The following PLPP1 variants were observed in gnomAD, a reference collection of about 807,000 sequenced individuals.
The protein encoded by PLPP1 is lipid phosphate phosphohydrolase 1a.
Under a neutral mutation model 31.2 loss-of-function variants are expected in PLPP1, and 24 were observed. The ratio of observed to expected loss-of-function variants is 0.77; its 90% CI spans 0.56 to 1.08. The LOEUF is 1.08. Ranked by LOEUF, PLPP1 falls within the 50% of genes least tolerant of loss-of-function variation. PLPP1 has a pLI of 0.00. For synonymous variants in PLPP1, 146 were observed against 126.3 expected (o/e 1.16, Z -1.05); for missense variants, 319 against 342.7 (o/e 0.93, Z 0.55).
intron 2 of PLPP1, among the ~76,000 whole-genome samples, chr5:55,470,077 G>A (rs1187336150): frequency 6.6e-6 from 1 of 152,186 alleles, no homozygotes; most frequent in African/African-American, 2.4e-5. Context: ...TCACAGGAGA[G>A]GTAAACTATA....
At position 55,475,264 on chromosome 5, in the gene PLPP1, A is replaced by G. The variant is rs754199942; in HGVS notation, c.210+35T>C. On this transcript the variant is annotated intron_variant, in intron 2 of 5. Coordinates refer to ENST00000307259, the MANE Select transcript of PLPP1 (RefSeq NM_003711.4). ...AACAGAAAATTAAGCCAAGTGCCCA[A>G]AAGTTATAAACTTGGAAAAGTGGAT... The G allele has an allele frequency of 3.8e-6, 6 of 1,568,328 alleles. No homozygotes were observed. The African/African-American group carries it at 5.5e-5, about 14-fold the overall frequency.
At chr5:55,448,866 C>T (rs1481907256) in intron 3 of PLPP1, among the ~76,000 whole-genome samples, 1 of 152,178 alleles carries the variant, frequency 6.6e-6, no homozygotes, top group Non-Finnish European at 1.5e-5. Flanking sequence ...TAAAATGACA[C>T]AGTATTTGCA....
chr5:55,491,224 G>C, intron 1 of PLPP1: 2 of 1,161,624 alleles, frequency 1.7e-6, no homozygotes, highest in Admixed American at 2.6e-5. Context: ...GCCCTCTCTG[G>C]AGATGGATCT....
At chr5:55,486,382 C>A (rs1419613859) in intron 1 of PLPP1, among the ~76,000 whole-genome samples, 2 of 151,616 alleles carry the variant, frequency 1.3e-5, no homozygotes, top group Non-Finnish European at 2.9e-5. Flanking sequence ...GTCAGGAGTT[C>A]AAGACCAGCC....
intron 3 of PLPP1, among the ~76,000 whole-genome samples, chr5:55,447,896 G>A (rs534511290): frequency 6.6e-6 from 1 of 151,962 alleles, no homozygotes; most frequent in Non-Finnish European, 1.5e-5. Context: ...TGTCTTTTTT[G>A]TACACTCTAA....
At chr5:55,443,212 T>TACACACACACAC (rs960914383) in intron 3 of PLPP1, among the ~76,000 whole-genome samples, 1 of 105,004 alleles carries the variant, frequency 9.5e-6, no homozygotes, top group African/African-American at 3.9e-5. Flanking sequence ...TATATATATA[T>TACACACACACAC]ACACACACAC....
At chr5:55,455,789 G>T (rs1751992584) in intron 3 of PLPP1, among the ~76,000 whole-genome samples, 1 of 152,180 alleles carries the variant, frequency 6.6e-6, no homozygotes, top group African/African-American at 2.4e-5. Context: ...AAGATCAAGA[G>T]CAGCATCTGA....
At chr5:55,514,670 C>G (rs1753515896) in intron 1 of PLPP1, among the ~76,000 whole-genome samples, 1 of 152,154 alleles carries the variant, frequency 6.6e-6, no homozygotes, top group Non-Finnish European at 1.5e-5. Flanking sequence ...TTAAAACACA[C>G]ACGCTTTTTT....
intron 2 of PLPP1, among the ~76,000 whole-genome samples, chr5:55,468,630 T>C (rs1752355835): frequency 2.6e-5 from 4 of 151,668 alleles, no homozygotes; most frequent in South Asian, 2.1e-4. Flanking sequence ...GGTAAAACCC[T>C]GTCTCTACTA....
intron 3 of PLPP1, among the ~76,000 whole-genome samples, chr5:55,462,253 A>G (rs1225899584): frequency 6.6e-6 from 1 of 152,250 alleles, no homozygotes; most frequent in African/African-American, 2.4e-5. Context: ...CTCATTTTAA[A>G]ACTATTACAA....
At chr5:55,461,589 G>A (rs1752154557) in intron 3 of PLPP1, among the ~76,000 whole-genome samples, 1 of 151,146 alleles carries the variant, frequency 6.6e-6, no homozygotes. Context: ...CTAACAAAAA[G>A]CATCTACAAA....
chr5:55,427,515 C>T (rs1281892368), intron 4 of PLPP1, among the ~76,000 whole-genome samples: 1 of 152,164 alleles, frequency 6.6e-6, no homozygotes, highest in Non-Finnish European at 1.5e-5. Context: ...AATAGCAACT[C>T]TAGAATGGAC....
chr5:55,512,014 A>G (rs1753425051), intron 1 of PLPP1, among the ~76,000 whole-genome samples: 1 of 151,398 alleles, frequency 6.6e-6, no homozygotes, highest in African/African-American at 2.4e-5. Flanking sequence ...CTGTAATCCA[A>G]GCTACTCAGG....
intron 3 of PLPP1, among the ~76,000 whole-genome samples, chr5:55,448,252 T>G (rs1751813036): frequency 6.6e-6 from 1 of 152,140 alleles, no homozygotes; most frequent in African/African-American, 2.4e-5. Flanking sequence ...ACTTAAGGAA[T>G]CAAGTAGGTG....
At chr5:55,519,465 G>C (rs1401650738) in intron 1 of PLPP1, among the ~76,000 whole-genome samples, 1 of 152,094 alleles carries the variant, frequency 6.6e-6, no homozygotes, top group Non-Finnish European at 1.5e-5. Context: ...TAAGAAAAAA[G>C]TGGCCAGGCA....
At chr5:55,461,456 T>C (rs1752152451) in intron 3 of PLPP1, among the ~76,000 whole-genome samples, 1 of 152,052 alleles carries the variant, frequency 6.6e-6, no homozygotes, top group Admixed American at 6.6e-5. Flanking sequence ...AAAAGTTGCT[T>C]TGATATTCAA....
chr5:55,462,024 C>G (rs1167166423), intron 3 of PLPP1, among the ~76,000 whole-genome samples: 1 of 152,030 alleles, frequency 6.6e-6, no homozygotes, highest in Non-Finnish European at 1.5e-5. Context: ...CTAAAAAACA[C>G]TGGCATGAGA....
rs571292648 is a variant in PLPP1, at chr5:55,460,703, G to A, written c.491+7166C>T. Reference sequence around the variant, plus strand: ...TAAAACCTTCCCACAAAGATTATTCGAGCCTGAAGGCATGCACCTGTAGTC... The same window carrying A: ...TAAAACCTTCCCACAAAGATTATTCAAGCCTGAAGGCATGCACCTGTAGTC... On this transcript the variant is annotated intron_variant, in intron 3 of 5. Transcript: ENST00000307259. Among the ~76,000 whole-genome samples the A allele has an allele frequency of 1.1e-4, 16 of 150,892 alleles. No homozygotes were observed. In the South Asian group the frequency reaches 1.3e-3, roughly 12 times the overall value.
At chr5:55,479,158 G>A (rs1378544116) in intron 1 of PLPP1, among the ~76,000 whole-genome samples, 5 of 151,974 alleles carry the variant, frequency 3.3e-5, no homozygotes, top group Non-Finnish European at 5.9e-5. Context: ...CAGAGTAGCT[G>A]AGATTACAGG....
Sources: gnomAD v4.1 joint callset for allele counts (sites outside exome capture counted in the v4.1 genomes callset) on GRCh38, gnomAD v4.1.1 for gene constraint, MANE v1.5 for transcripts, NCBI Gene and HGNC (gene_info 2026-07-23, HGNC 2026-07-21) for gene names.